Variants in FCER1A observed in about 807,000 individuals in gnomAD.
The protein encoded by FCER1A is Fc epsilon receptor Ia.
In FCER1A, 24 loss-of-function variants were observed where a neutral mutation model predicts 23.6. That is an observed-to-expected ratio of 1.02 (90% CI 0.74 to 1.43). The LOEUF is 1.43. Among genes scored for constraint, FCER1A ranks in the 40% most tolerant of loss-of-function variants. The pLI, the probability that FCER1A is intolerant of heterozygous loss-of-function variation, is 0.00. For missense variants in FCER1A, 318 were observed against 294.5 expected (o/e 1.08, Z -0.58); for synonymous variants, 121 against 108.8 (o/e 1.11, Z -0.70).
intron 4 of FCER1A, among the ~76,000 whole-genome samples, chr1:159,307,164 A>G (rs1043898631): frequency 6.6e-6 from 1 of 152,202 alleles, no homozygotes; most frequent in African/African-American, 2.4e-5. Context: ...CATAATGGTA[A>G]TGGGTAGCCA....
chr1:159,308,106 C>A lies in FCER1A; in HGVS notation c.*174C>A. On this transcript the variant is annotated 3_prime_UTR_variant, in exon 5 of 5. Coordinates refer to ENST00000693622, the MANE Select transcript of FCER1A (RefSeq NM_001387280.1). ...TAAGTGGCATGTAATAGTAAGTGCTCAATTAACATTGGTTGAATAAATGAG... is the reference window on the plus strand; with the variant it reads ...TAAGTGGCATGTAATAGTAAGTGCTAAATTAACATTGGTTGAATAAATGAG... 1 of 463,302 alleles carries A rather than the reference C, an allele frequency of 2.2e-6. No individual in the cohort carries two copies. The highest frequency in any genetic ancestry group is 3.8e-6 in the Non-Finnish European group (1 of 261,130). The allele number at this position is 463,302 out of a possible 1,614,324, so 28.7% of individuals were successfully genotyped here.
upstream of FCER1A, among the ~76,000 whole-genome samples, chr1:159,289,174 G>T (rs1652087164): frequency 6.6e-6 from 1 of 152,090 alleles, no homozygotes; most frequent in Non-Finnish European, 1.5e-5. Flanking sequence ...ACCTCCTGCT[G>T]CTCTTTCTTT....
intron 1 of FCER1A, among the ~76,000 whole-genome samples, chr1:159,292,122 T>A (rs1276144266): frequency 1.3e-5 from 2 of 152,166 alleles, no homozygotes; most frequent in African/African-American, 4.8e-5. Context: ...TGTTGCTTAA[T>A]TTCTTTTTCT....
At chr1:159,300,223 C>G (rs931564208), upstream of FCER1A, among the ~76,000 whole-genome samples, 1 of 152,118 alleles carries the variant, frequency 6.6e-6, no homozygotes, top group Non-Finnish European at 1.5e-5. Flanking sequence ...TCTCGATGAG[C>G]CCTGCTCCAT....
At chr1:159,303,681 GGTTTCTTT>G (rs1652506154) in intron 2 of FCER1A, among the ~76,000 whole-genome samples, 1 of 152,138 alleles carries the variant, frequency 6.6e-6, no homozygotes, top group African/African-American at 2.4e-5. Context: ...ATAGTGAATT[GGTTTCTTT>G]GTTTTTAAAT....
upstream of FCER1A, among the ~76,000 whole-genome samples, chr1:159,301,803 A>G (rs1652437293): frequency 6.6e-6 from 1 of 152,238 alleles, no homozygotes; most frequent in Non-Finnish European, 1.5e-5. Context: ...GTTAGATTTT[A>G]TGTGTTTGAA....
chr1:159,305,501 TTAAA>T (rs141640836), intron 3 of FCER1A, among the ~76,000 whole-genome samples: 3,340 of 152,302 alleles, frequency 0.022, 46 homozygotes, highest in Middle Eastern at 0.051. Flanking sequence ...GAAGAGGACA[TTAAA>T]TAAAGAATTA....
rs1432874542 is a variant in FCER1A, at chr1:159,304,149, G to A, written c.298G>A (p.Glu100Lys). 3 of 1,613,738 alleles carry A rather than the reference G, an allele frequency of 1.9e-6. No homozygotes were observed. The highest frequency in any genetic ancestry group is 2.5e-6 in the Non-Finnish European group (3 of 1,179,748). The part of the protein sequence containing the change: ...EYKCQHQQVN[E>K]SEPVYLEVFS... Reference sequence around the variant, plus strand: ...CAAATGTCAGCACCAACAAGTTAATGAGAGTGAACCTGTGTACCTGGAAGT... The same window carrying A: ...CAAATGTCAGCACCAACAAGTTAATAAGAGTGAACCTGTGTACCTGGAAGT... Residue 100 changes from glutamate to lysine, a missense_variant, in exon 3 of 5, where the codon GAG becomes AAG. Physicochemically the swap from Glu to Lys is moderately conservative, Grantham distance 56. Coordinates refer to ENST00000693622, the MANE Select transcript of FCER1A (RefSeq NM_001387280.1).
intron 1 of FCER1A, among the ~76,000 whole-genome samples, chr1:159,290,125 C>T (rs1312036879): frequency 1.3e-5 from 2 of 152,164 alleles, no homozygotes; most frequent in African/African-American, 4.8e-5. Context: ...AAAAGAATGA[C>T]CTATTAACTT....
At chr1:159,284,085 A>C in the FCER1A span, among the ~76,000 whole-genome samples, 1 of 152,226 alleles carries the variant, frequency 6.6e-6, no homozygotes, top group African/African-American at 2.4e-5. Flanking sequence ...GAGGACCTTA[A>C]ATTTAAGTTT....
rs1571074905 is a variant in FCER1A at position 159,291,251 on chromosome 1, GT to G, written c.-60+1499del. ...TTCTCTGGTTTTCCCCTGCTTTTGT[GT>G]ATTTTCTCTTTGTCATCTTCTTCCA... On this transcript the variant is annotated intron_variant, in intron 1 of 5. Transcript: ENST00000368115. Among the ~76,000 whole-genome samples the G allele has an allele frequency of 2.0e-5, 3 of 152,252 alleles. No individual in the cohort carries two copies. In the East Asian group the frequency reaches 5.8e-4, roughly 29 times the overall value.
At chr1:159,289,938 A>G (rs563125328) in intron 1 of FCER1A, among the ~76,000 whole-genome samples, 1 of 152,288 alleles carries the variant, frequency 6.6e-6, no homozygotes, top group South Asian at 2.1e-4. Context: ...CTGTGTGAAC[A>G]CTACCTCATA....
chr1:159,307,462 C>T lies in FCER1A; in HGVS notation c.590-286C>T, dbSNP rs563002419. On this transcript the variant is annotated intron_variant, in intron 4 of 4. Coordinates refer to ENST00000693622, the MANE Select transcript of FCER1A (RefSeq NM_001387280.1). ...TATGTGAATTCTGGTCTTGTCATTT[C>T]GAATAAGGGGTTTATCTTTCCTATT... Among the ~76,000 whole-genome samples, 11 of 152,262 alleles carry T rather than the reference C, an allele frequency of 7.2e-5. No homozygotes were observed. In the South Asian group the frequency reaches 2.3e-3, roughly 32 times the overall value.
At chr1:159,285,631 T>C (rs1358267320), upstream of FCER1A, among the ~76,000 whole-genome samples, 1 of 151,914 alleles carries the variant, frequency 6.6e-6, no homozygotes, top group African/African-American at 2.4e-5. Context: ...TTAACAAAAA[T>C]ACAGGACATC....
At chr1:159,285,726 A>T (rs1440980692), upstream of FCER1A, among the ~76,000 whole-genome samples, 2 of 152,122 alleles carry the variant, frequency 1.3e-5, no homozygotes, top group Non-Finnish European at 2.9e-5. Context: ...AAAATAAATT[A>T]TTTATTGTTT....
At position 159,306,781 on chromosome 1, in the gene FCER1A, T is replaced by C. The variant is rs903711946; in HGVS notation, c.589+536T>C. On this transcript the variant is annotated intron_variant, in intron 4 of 4. Coordinates refer to ENST00000693622, the MANE Select transcript of FCER1A (RefSeq NM_001387280.1). ...AGGGTAGGGAGGTGGACTGCCTCTATGGCCTGTAAGAAAAACTGCTCTCTC... is the reference window on the plus strand; with the variant it reads ...AGGGTAGGGAGGTGGACTGCCTCTACGGCCTGTAAGAAAAACTGCTCTCTC... Among the ~76,000 whole-genome samples the C allele has an allele frequency of 2.6e-5, 4 of 152,226 alleles. No individual in the cohort carries two copies. In the East Asian group the frequency reaches 7.7e-4, roughly 29 times the overall value.
chr1:159,304,137 C>G lies in FCER1A; in HGVS notation c.286C>G (p.Gln96Glu). The G allele has an allele frequency of 6.2e-7, 1 of 1,613,796 alleles. No individual in the cohort carries two copies. Reference sequence around the variant, plus strand: ...CAGTGGAGAATACAAATGTCAGCACCAACAAGTTAATGAGAGTGAACCTGT... The same window carrying G: ...CAGTGGAGAATACAAATGTCAGCACGAACAAGTTAATGAGAGTGAACCTGT... ...EDSGEYKCQHQQVNESEPVYL... is the reference protein window; with the variant it reads ...EDSGEYKCQHEQVNESEPVYL... Residue 96 changes from glutamine (Q) to glutamate (E), a missense_variant, in exon 3 of 5, where the codon CAA becomes GAA. Physicochemically the swap from Gln to Glu is conservative, Grantham distance 29. Coordinates refer to ENST00000693622, the MANE Select transcript of FCER1A (RefSeq NM_001387280.1).
Position 159,308,147 on chromosome 1 carries a change from A to G in FCER1A, c.*215A>G. The stretch of plus-strand genomic sequence containing the variant: ...AATAAATGAGAGAATGAATAGATTC[A>G]TTTATTAGCATTTGTAAAAGAGATG... On this transcript the variant is annotated 3_prime_UTR_variant, in exon 5 of 5. Transcript: ENST00000693622. 7.1e-6 allele frequency: 3 copies of G among 422,846 alleles called. No individual in the cohort carries two copies. Among genetic ancestry groups the G allele is most frequent in the South Asian group, 8.2e-5 (1 of 12,224 alleles). The allele number at this position is 422,846 out of a possible 1,614,324, so 26.2% of individuals were successfully genotyped here.
chr1:159,308,111 A>T lies in FCER1A; in HGVS notation c.*179A>T, dbSNP rs1186373909. 4.3e-6 allele frequency: 2 copies of T among 460,480 alleles called. No individual in the cohort carries two copies. Among genetic ancestry groups the T allele is most frequent in the Non-Finnish European group, 7.7e-6 (2 of 259,438 alleles). The allele number at this position is 460,480 out of a possible 1,614,324, so 28.5% of individuals were successfully genotyped here. ...GGCATGTAATAGTAAGTGCTCAATT[A>T]ACATTGGTTGAATAAATGAGAGAAT... On this transcript the variant is annotated 3_prime_UTR_variant, in exon 5 of 5. Transcript: ENST00000693622.
Sources: allele counts gnomAD v4.1 joint callset (sites outside exome capture counted in the v4.1 genomes callset), GRCh38; gene constraint gnomAD v4.1.1; transcripts MANE v1.5; gene names NCBI Gene and HGNC (gene_info 2026-07-23, HGNC 2026-07-21).